The following VTA1 variants were observed in gnomAD, a reference collection of about 807,000 sequenced individuals.
VTA1 encodes the protein vacuolar protein sorting-associated protein VTA1 homolog.
Under a neutral mutation model 36.9 loss-of-function variants are expected in VTA1, and 24 were observed. That is an observed-to-expected ratio of 0.65 (90% CI 0.47 to 0.91). The LOEUF is 0.91. VTA1 is among the 40% of genes least tolerant of loss of function. VTA1 has a pLI of 0.00. For synonymous variants in VTA1, 142 were observed against 130.2 expected (o/e 1.09, Z -0.62); for missense variants, 393 against 377.2 (o/e 1.04, Z -0.35).
At chr6:142,184,344 T>A (rs566981782) in intron 4 of VTA1, among the ~76,000 whole-genome samples, 53 of 152,208 alleles carry the variant, frequency 3.5e-4, no homozygotes, top group African/African-American at 1.3e-3. Context: ...TAATGACATT[T>A]CTTCATCTCT....
chr6:142,220,186 T>C lies in VTA1; in HGVS notation c.*1543T>C, dbSNP rs1002428870. On this transcript the variant is annotated 3_prime_UTR_variant, in exon 8 of 8. Transcript: ENST00000367630. ...ACATTTTCCTATCTTTTACAAGAGG[T>C]ATGAACATTTGTAGGGTTCCACATT... is the stretch of plus-strand genomic sequence containing the variant. The C allele has an allele frequency of 4.6e-5, 7 of 152,178 alleles. No individual in the cohort carries two copies. The highest frequency in any genetic ancestry group is 1.7e-4 in the African/African-American group (7 of 41,452). The allele number at this position is 152,178 out of a possible 1,614,324, so 9.4% of individuals were successfully genotyped here. A position where few individuals can be genotyped will look rare whatever the true frequency, so the allele number is the denominator to read the frequency against.
intron 5 of VTA1, among the ~76,000 whole-genome samples, chr6:142,190,329 G>A (rs1477857116): frequency 1.3e-5 from 2 of 151,912 alleles, no homozygotes; most frequent in African/African-American, 4.8e-5. Flanking sequence ...TTTTTTTTGT[G>A]TATCTTTACA....
At chr6:142,173,817 A>G (rs1461541346) in intron 4 of VTA1, among the ~76,000 whole-genome samples, 1 of 152,166 alleles carries the variant, frequency 6.6e-6, no homozygotes, top group Non-Finnish European at 1.5e-5. Context: ...TTTTGAACAT[A>G]GTAACTAGGG....
chr6:142,199,321 C>T (rs1327713277), intron 6 of VTA1, among the ~76,000 whole-genome samples: 1 of 152,092 alleles, frequency 6.6e-6, no homozygotes, highest in Non-Finnish European at 1.5e-5. Flanking sequence ...CCTTTAATTG[C>T]ATTGTTGACA....
chr6:142,166,082 T>C, intron 1 of VTA1, 146 bp from the exon 2 acceptor site: 3 of 539,126 alleles, frequency 5.6e-6, no homozygotes, highest in Non-Finnish European at 3.1e-6. Flanking sequence ...TTTGTGCTTT[T>C]TAGGTTTATA....
chr6:142,198,143 GTGTGTGTGTGTGTGTGTGTGTATA>G (rs1562266843), intron 5 of VTA1, among the ~76,000 whole-genome samples: 4 of 148,606 alleles, frequency 2.7e-5, no homozygotes, highest in Non-Finnish European at 6.0e-5. Context: ...GTGTGTGTGT[GTGTGTGTGTGTGTGTGTGTGTATA>G]TGTGTGTACA....
rs181709316 is a variant in VTA1 at position 142,223,419 on chromosome 6, C to A, written c.*4776C>A. The A allele has an allele frequency of 2.0e-5, 3 of 152,140 alleles. No homozygotes were observed. Among genetic ancestry groups the A allele is most frequent in the African/African-American group, 7.2e-5 (3 of 41,428 alleles). The allele number at this position is 152,140 out of a possible 1,614,324, so 9.4% of individuals were successfully genotyped here. ...TAAATAACATCACTGTCTTTCCTAA[C>A]TAAAAATTCTTCATCTTCAGGAAAT... On this transcript the variant is annotated 3_prime_UTR_variant, in exon 8 of 8. Transcript: ENST00000367630.
intron 1 of VTA1, among the ~76,000 whole-genome samples, chr6:142,164,808 G>A (rs1046348823): frequency 1.3e-5 from 2 of 152,182 alleles, no homozygotes; most frequent in South Asian, 2.1e-4. Flanking sequence ...AGGACAGAAT[G>A]AGCTATTCTT....
chr6:142,157,681 G>A (rs1308262190), intron 1 of VTA1, among the ~76,000 whole-genome samples: 1 of 151,992 alleles, frequency 6.6e-6, no homozygotes, highest in East Asian at 1.9e-4. Flanking sequence ...ATATTTGGTT[G>A]TTCAAAGTGG....
At chr6:142,217,352 G>A (rs1324417055) in intron 7 of VTA1, among the ~76,000 whole-genome samples, 1 of 152,074 alleles carries the variant, frequency 6.6e-6, no homozygotes, top group Non-Finnish European at 1.5e-5. Context: ...TCATATTCAT[G>A]CAGTGAAGTT....
chr6:142,163,497 T>C (rs141296588), intron 1 of VTA1, among the ~76,000 whole-genome samples: 3 of 152,314 alleles, frequency 2.0e-5, no homozygotes, highest in African/African-American at 4.8e-5. Flanking sequence ...AGTAATAATA[T>C]AGCAGCTTGC....
chr6:142,175,140 CA>C (rs770755701), intron 4 of VTA1, among the ~76,000 whole-genome samples: 6 of 152,136 alleles, frequency 3.9e-5, no homozygotes, highest in Non-Finnish European at 5.9e-5. Flanking sequence ...CATCCCTTTT[CA>C]AAAAGGCCAC....
At chr6:142,205,143 T>TCAA (rs1775765622) in intron 7 of VTA1, among the ~76,000 whole-genome samples, 1 of 152,204 alleles carries the variant, frequency 6.6e-6, no homozygotes, top group Admixed American at 6.5e-5. Flanking sequence ...TTCCTGCCTC[T>TCAA]CAACCATGGA....
chr6:142,179,840 A>G (rs1582888289), intron 4 of VTA1, among the ~76,000 whole-genome samples: 1 of 152,166 alleles, frequency 6.6e-6, no homozygotes, highest in South Asian at 2.1e-4. Flanking sequence ...ATGGGTTGAC[A>G]GTTCTAAACC....
chr6:142,186,485 G>C (rs1447154922), intron 4 of VTA1, among the ~76,000 whole-genome samples: 1 of 152,164 alleles, frequency 6.6e-6, no homozygotes, highest in Non-Finnish European at 1.5e-5. Context: ...GGCTATTTCA[G>C]TGAAAATGGG....
intron 4 of VTA1, among the ~76,000 whole-genome samples, chr6:142,188,000 T>G (rs572171761): frequency 4.0e-4 from 59 of 148,496 alleles, no homozygotes; most frequent in Non-Finnish European, 7.1e-4. Context: ...CTCTGCCTCC[T>G]GGGTTCACGT....
chr6:142,168,436 T>G (rs559416536), intron 2 of VTA1, among the ~76,000 whole-genome samples: 176 of 152,158 alleles, frequency 1.2e-3, no homozygotes, highest in Middle Eastern at 6.8e-3. Context: ...ATTTTTTACT[T>G]TATAACATCT....
At chr6:142,166,082 T>A (rs1774907757) in intron 1 of VTA1, 146 bp from the exon 2 acceptor site, 2 of 539,008 alleles carry the variant, frequency 3.7e-6, no homozygotes, top group Non-Finnish European at 6.1e-6. Flanking sequence ...TTTGTGCTTT[T>A]TAGGTTTATA....
intron 5 of VTA1, among the ~76,000 whole-genome samples, chr6:142,197,554 AAT>A (rs148527564): frequency 0.012 from 1,759 of 152,330 alleles, 37 homozygotes; most frequent in African/African-American, 0.04. Flanking sequence ...TTCAAAATGA[AAT>A]ATCTCATTTC....
Sources: allele counts gnomAD v4.1 joint callset (sites outside exome capture counted in the v4.1 genomes callset), GRCh38; gene constraint gnomAD v4.1.1; transcripts MANE v1.5; gene names NCBI Gene and HGNC (gene_info 2026-07-23, HGNC 2026-07-21).